The following SCN11A variants were observed in gnomAD, a reference collection of about 807,000 sequenced individuals.
SCN11A encodes the protein sodium channel protein type 11 subunit alpha.
In SCN11A, 122 loss-of-function variants were observed where a neutral mutation model predicts 162.2. That is an observed-to-expected ratio of 0.75 (90% CI 0.65 to 0.87). The LOEUF (loss-of-function observed/expected upper bound fraction) is 0.87, where lower values mean the gene tolerates loss of function less well. Ranked by LOEUF, SCN11A falls within the 40% of genes least tolerant of loss-of-function variation. SCN11A has a pLI of 0.00. For synonymous variants in SCN11A, 758 were observed against 751.5 expected (o/e 1.01, Z -0.14); for missense variants, 2,015 against 2,181.6 (o/e 0.92, Z 1.52).
rs1553638676 is a variant in SCN11A, at chr3:38,904,036, C to T, written c.1671G>A (p.Trp557Ter). 6.2e-7 allele frequency: 1 copy of T among 1,608,074 alleles called. No homozygotes were observed. The highest frequency in any genetic ancestry group is 8.5e-7 in the Non-Finnish European group (1 of 1,178,416). ...GENLASKYLV[W>*]NCCPQWLCVK... The stretch of plus-strand genomic sequence containing the variant: ...CGCACAGCCACTGGGGGCAACAGTT[C>T]CACACGAGGTACTTGGATGCCAGGT... The change falls in exon 16 of 30, where the codon TGG becomes TGA. Residue 557 changes from tryptophan (W) to a stop codon, truncating the protein, a stop_gained. Coordinates refer to ENST00000302328, the MANE Select transcript of SCN11A (RefSeq NM_001349253.2). LOFTEE classifies it high-confidence loss of function.
intron 2 of SCN11A, among the ~76,000 whole-genome samples, chr3:39,003,870 TG>T (rs1311903054): frequency 1.3e-5 from 2 of 150,066 alleles, no homozygotes; most frequent in Admixed American, 6.7e-5. Flanking sequence ...CACTTTTTAA[TG>T]GGTTTTTTTT....
At chr3:38,970,835 C>A (rs2066812189) in intron 2 of SCN11A, among the ~76,000 whole-genome samples, 1 of 152,232 alleles carries the variant, frequency 6.6e-6, no homozygotes, top group African/African-American at 2.4e-5. Flanking sequence ...GCCCCCAGAG[C>A]TTTGGGACTT....
chr3:38,949,086 G>A (rs2066561022), intron 5 of SCN11A, among the ~76,000 whole-genome samples: 1 of 152,184 alleles, frequency 6.6e-6, no homozygotes, highest in African/African-American at 2.4e-5. Context: ...TCTTTGAAAG[G>A]TCAGTTTCTT....
At chr3:38,965,802 G>A (rs1273214737) in intron 2 of SCN11A, among the ~76,000 whole-genome samples, 1 of 152,048 alleles carries the variant, frequency 6.6e-6, no homozygotes, top group Admixed American at 6.6e-5. Flanking sequence ...AAGAAAGGGA[G>A]GGGAGTATGC....
Position 39,051,891 on chromosome 3 carries a change from C to A in SCN11A, c.-434G>T. 2 of 1,080,260 alleles carry A rather than the reference C, an allele frequency of 1.9e-6. No homozygotes were observed. The highest frequency in any genetic ancestry group is 2.6e-5 in the East Asian group (1 of 38,814). 66.9% of individuals were successfully genotyped at this position (1,080,260 alleles called of 1,614,324 possible). A position where few individuals can be genotyped will look rare whatever the true frequency, so the allele number is the denominator to read the frequency against. On this transcript the variant is annotated 5_prime_UTR_variant, in exon 1 of 30. Coordinates refer to ENST00000302328, the MANE Select transcript of SCN11A (RefSeq NM_001349253.2). Reference sequence around the variant, plus strand: ...CACATGGCTACCGGCCACACAGCAACTAACAGCACCGAGGAAACACAACAG... The same window carrying A: ...CACATGGCTACCGGCCACACAGCAAATAACAGCACCGAGGAAACACAACAG...
chr3:38,942,549 T>C (rs2066457640), intron 7 of SCN11A, among the ~76,000 whole-genome samples: 1 of 152,038 alleles, frequency 6.6e-6, no homozygotes, highest in African/African-American at 2.4e-5. Context: ...AGAAAACAAC[T>C]AGAAAGGTAT....
intron 7 of SCN11A, among the ~76,000 whole-genome samples, chr3:38,931,289 G>A (rs780137930): frequency 2.6e-5 from 4 of 152,202 alleles, no homozygotes; most frequent in Admixed American, 6.5e-5. Context: ...AACAGAGACA[G>A]ACAGTCCCTA....
At chr3:39,024,928 G>C (rs1575363484) in intron 2 of SCN11A, among the ~76,000 whole-genome samples, 1 of 152,158 alleles carries the variant, frequency 6.6e-6, no homozygotes, top group African/African-American at 2.4e-5. Flanking sequence ...CCTTCTGAAG[G>C]CTCCTGTATA....
intron 2 of SCN11A, among the ~76,000 whole-genome samples, chr3:38,965,514 C>G (rs2066776252): frequency 6.6e-6 from 1 of 152,156 alleles, no homozygotes; most frequent in Non-Finnish European, 1.5e-5. Context: ...CAGTTTCCTC[C>G]TGGTAAGCTG....
At chr3:39,017,343 GC>G (rs60369700) in intron 2 of SCN11A, among the ~76,000 whole-genome samples, 15,772 of 152,210 alleles carry the variant, frequency 0.1, 862 homozygotes, top group Admixed American at 0.14. Flanking sequence ...ATTTGTTACA[GC>G]AGCCCAAGCT....
In SCN11A at chr3:38,903,705, G is replaced by A. The variant is rs369143151; in HGVS notation, c.1842+160C>T. Among the ~76,000 whole-genome samples the A allele has an allele frequency of 3.3e-5, 5 of 152,252 alleles. No individual in the cohort carries two copies. The East Asian group carries it at 5.8e-4, about 18-fold the overall frequency. On this transcript the variant is annotated intron_variant, in intron 16 of 29. Coordinates refer to ENST00000302328, the MANE Select transcript of SCN11A (RefSeq NM_001349253.2). ...ACATGGACAGTTTCTGAAATGAACC[G>A]GGTAAAAGTAAAACCGTAACAGCCA...
chr3:38,995,959 C>G (rs1180703720), intron 2 of SCN11A, among the ~76,000 whole-genome samples: 2 of 152,216 alleles, frequency 1.3e-5, no homozygotes, highest in African/African-American at 4.8e-5. Flanking sequence ...GAATGTGACT[C>G]TAATCTGATA....
chr3:38,929,700 T>A (rs2066208734), intron 7 of SCN11A, among the ~76,000 whole-genome samples: 1 of 152,158 alleles, frequency 6.6e-6, no homozygotes. Context: ...TATTAAGAGG[T>A]GGGACCCTTA....
chr3:39,044,531 T>C (rs757167331), intron 1 of SCN11A, among the ~76,000 whole-genome samples: 13 of 152,050 alleles, frequency 8.5e-5, no homozygotes, highest in Admixed American at 2.0e-4. Flanking sequence ...TTCGAAACTG[T>C]GCAAATACAT....
intron 2 of SCN11A, among the ~76,000 whole-genome samples, chr3:38,991,389 C>T (rs1422017548): frequency 1.3e-5 from 2 of 152,158 alleles, no homozygotes; most frequent in South Asian, 2.1e-4. Flanking sequence ...CAGAATCCAT[C>T]CTTCAGGCTC....
At chr3:38,963,403 T>G (rs1445008258) in intron 2 of SCN11A, among the ~76,000 whole-genome samples, 1 of 63,846 alleles carries the variant, frequency 1.6e-5, no homozygotes, top group African/African-American at 1.0e-4. Flanking sequence ...GATATATATA[T>G]ATATATATAT....
chr3:39,004,830 A>G (rs2030921098), intron 2 of SCN11A, among the ~76,000 whole-genome samples: 1 of 152,152 alleles, frequency 6.6e-6, no homozygotes, highest in Admixed American at 6.5e-5. Flanking sequence ...ATATAATTCT[A>G]TATCTTCTGC....
intron 1 of SCN11A, among the ~76,000 whole-genome samples, chr3:39,045,187 T>C (rs1327876638): frequency 1.3e-5 from 2 of 152,132 alleles, no homozygotes; most frequent in Non-Finnish European, 2.9e-5. Context: ...CCTAGGACCA[T>C]GGCTTCAATG....
intron 11 of SCN11A, among the ~76,000 whole-genome samples, chr3:38,917,673 G>A (rs1425233323): frequency 6.6e-6 from 1 of 152,122 alleles, no homozygotes; most frequent in African/African-American, 2.4e-5. Flanking sequence ...GGATGGTGGA[G>A]GTTGAGAGAA....
Sources: gnomAD v4.1 joint callset for allele counts (sites outside exome capture counted in the v4.1 genomes callset) on GRCh38, gnomAD v4.1.1 for gene constraint, MANE v1.5 for transcripts, NCBI Gene and HGNC (gene_info 2026-07-23, HGNC 2026-07-21) for gene names.